ADGRL2: variants seen among roughly 807,000 people sequenced by gnomAD.
ADGRL2 encodes calcium-independent alpha-latrotoxin receptor 2.
Under a neutral mutation model 157.4 loss-of-function variants are expected in ADGRL2, and 44 were observed. That is an observed-to-expected ratio of 0.28 (90% CI 0.22 to 0.36). The LOEUF (loss-of-function observed/expected upper bound fraction) is 0.36, where lower values mean the gene tolerates loss of function less well. ADGRL2 is among the 10% of genes least tolerant of loss of function. The probability of loss-of-function intolerance (pLI) is 1.00; values close to 1 mark genes in which losing one functional copy is unlikely to be tolerated. For synonymous variants in ADGRL2, 585 were observed against 624.7 expected, an observed-to-expected ratio of 0.94 and a Z score of 0.95; for missense variants, 1,510 against 1,768.9, an observed-to-expected ratio of 0.85 and a Z score of 2.63.
intron 5 of ADGRL2, among the ~76,000 whole-genome samples, chr1:81,942,480 C>T (rs1280639490): frequency 6.6e-6 from 1 of 151,772 alleles, no homozygotes; most frequent in Non-Finnish European, 1.5e-5. Context: ...ATTGAAGCAC[C>T]TTTGTTTTCA....
intron 1 of ADGRL2, among the ~76,000 whole-genome samples, chr1:81,815,969 A>C (rs1244488751): frequency 6.6e-6 from 1 of 151,842 alleles, no homozygotes; most frequent in Non-Finnish European, 1.5e-5. Context: ...TTGATTTTTA[A>C]TAAGTTTAAG....
In ADGRL2 at chr1:81,504,823, G is replaced by A. The variant is rs1424347763; in HGVS notation, c.-248+59734G>A. Among the ~76,000 whole-genome samples, 4 of 152,212 alleles carry A rather than the reference G, an allele frequency of 2.6e-5. No homozygotes were observed. The East Asian group carries it at 5.8e-4, about 22-fold the overall frequency. ...CCAGCTCAGGGCACAGGCAGGCTGG[G>A]GTCCTCGCTGGCCTTGCCAGAGGTT... On this transcript the variant is annotated intron_variant, in intron 2 of 24. Transcript: ENST00000370721.
chr1:81,528,144 G>A (rs921425852), intron 2 of ADGRL2, among the ~76,000 whole-genome samples: 9 of 152,160 alleles, frequency 5.9e-5, no homozygotes, highest in African/African-American at 1.7e-4. Context: ...TTCGCTGACA[G>A]CATCTTGATC....
chr1:81,573,899 A>C (rs2080745503), intron 2 of ADGRL2, among the ~76,000 whole-genome samples: 1 of 152,220 alleles, frequency 6.6e-6, no homozygotes, highest in Non-Finnish European at 1.5e-5. Context: ...TCAAAGACTC[A>C]GACAACAATA....
At chr1:81,968,970 A>G (rs1237039720) in intron 14 of ADGRL2, among the ~76,000 whole-genome samples, 1 of 152,202 alleles carries the variant, frequency 6.6e-6, no homozygotes, top group Non-Finnish European at 1.5e-5. Flanking sequence ...TCTCTCATAG[A>G]TCATTTTTTA....
At chr1:81,347,725 G>T (rs1301901222) in intron 1 of ADGRL2, among the ~76,000 whole-genome samples, 1 of 152,148 alleles carries the variant, frequency 6.6e-6, no homozygotes, top group African/African-American at 2.4e-5. Flanking sequence ...AAAATACTAA[G>T]GTTGTGGCTG....
intron 1 of ADGRL2, among the ~76,000 whole-genome samples, chr1:81,807,853 A>T (rs905165917): frequency 3.8e-4 from 57 of 151,754 alleles, no homozygotes; most frequent in African/African-American, 1.3e-3. Context: ...AATATTTAAC[A>T]TTTTTTTCCT....
intron 17 of ADGRL2, among the ~76,000 whole-genome samples, chr1:81,977,435 T>C (rs1015354324): frequency 2.0e-5 from 3 of 151,896 alleles, no homozygotes; most frequent in Admixed American, 2.0e-4. Flanking sequence ...AGAATGACTT[T>C]ATCATACTTA....
intron 3 of ADGRL2, among the ~76,000 whole-genome samples, chr1:81,692,444 G>A (rs371946488): frequency 9.1e-4 from 139 of 152,216 alleles, no homozygotes; most frequent in Non-Finnish European, 1.6e-3. Flanking sequence ...TCTTGACCCC[G>A]CAGTGTTAAG....
chr1:81,716,995 A>T (rs1460461935), intron 1 of ADGRL2, among the ~76,000 whole-genome samples: 1 of 152,240 alleles, frequency 6.6e-6, no homozygotes, highest in Non-Finnish European at 1.5e-5. Context: ...CATGAGGCTT[A>T]TATGGGATAC....
chr1:81,900,342 G>A (rs1162380922), intron 2 of ADGRL2, among the ~76,000 whole-genome samples: 11 of 152,122 alleles, frequency 7.2e-5, no homozygotes, highest in East Asian at 3.9e-4. Flanking sequence ...AAGCCTTCTA[G>A]CATCGGGCTG....
intron 1 of ADGRL2, among the ~76,000 whole-genome samples, chr1:81,733,447 T>A (rs2084792146): frequency 6.6e-6 from 1 of 152,204 alleles, no homozygotes; most frequent in African/African-American, 2.4e-5. Context: ...TTCTCACTGT[T>A]CTCACCTGGT....
intron 2 of ADGRL2, among the ~76,000 whole-genome samples, chr1:81,500,759 G>A (rs1398557510): frequency 6.6e-6 from 1 of 152,158 alleles, no homozygotes; most frequent in East Asian, 1.9e-4. Flanking sequence ...ACTTACTGTA[G>A]AATGTACTTA....
chr1:81,654,179 T>C (rs951003139), intron 3 of ADGRL2, among the ~76,000 whole-genome samples: 1 of 151,976 alleles, frequency 6.6e-6, no homozygotes, highest in Non-Finnish European at 1.5e-5. Flanking sequence ...CTTCTGACCT[T>C]AGGTAATCCA....
At chr1:81,907,573 G>C (rs1557887085) in intron 3 of ADGRL2, among the ~76,000 whole-genome samples, 1 of 151,814 alleles carries the variant, frequency 6.6e-6, no homozygotes, top group Admixed American at 6.6e-5. Flanking sequence ...ATGTTGAAGT[G>C]CCTGGGTCTT....
intron 1 of ADGRL2, among the ~76,000 whole-genome samples, chr1:81,359,051 T>C (rs937433338): frequency 1.3e-5 from 2 of 151,862 alleles, no homozygotes; most frequent in African/African-American, 4.8e-5. Context: ...GGGACTTGGG[T>C]TCTGCCAAAG....
chr1:81,929,454 A>C (rs2095179682), intron 3 of ADGRL2, among the ~76,000 whole-genome samples: 2 of 152,176 alleles, frequency 1.3e-5, no homozygotes, highest in African/African-American at 2.4e-5. Flanking sequence ...TGACTGGAGA[A>C]ACTAATGTTA....
intron 1 of ADGRL2, among the ~76,000 whole-genome samples, chr1:81,821,818 A>G (rs900377825): frequency 6.6e-6 from 1 of 152,112 alleles, no homozygotes; most frequent in Non-Finnish European, 1.5e-5. Flanking sequence ...CACAGTTAAT[A>G]TTCAGATATC....
At chr1:81,388,945 CA>C (rs2076487003) in intron 1 of ADGRL2, among the ~76,000 whole-genome samples, 1 of 152,040 alleles carries the variant, frequency 6.6e-6, no homozygotes. Flanking sequence ...TAGTCTTTTG[CA>C]GTCCCTTGTT....
Sources: gnomAD v4.1 joint callset for allele counts (sites outside exome capture counted in the v4.1 genomes callset) on GRCh38, gnomAD v4.1.1 for gene constraint, MANE v1.5 for transcripts, NCBI Gene and HGNC (gene_info 2026-07-23, HGNC 2026-07-21) for gene names.